Variants in AGBL4 observed in about 807,000 individuals in gnomAD.
AGBL4 encodes AGBL carboxypeptidase 4, also known as cytosolic carboxypeptidase 6.
Under a neutral mutation model 66.4 loss-of-function variants are expected in AGBL4, and 58 were observed. The observed-to-expected ratio is 0.87, with a 90% CI of 0.71 to 1.09. The LOEUF (loss-of-function observed/expected upper bound fraction) is 1.09, where lower values mean the gene tolerates loss of function less well. AGBL4 is among the 50% of genes least tolerant of loss of function. The pLI, the probability that AGBL4 is intolerant of heterozygous loss-of-function variation, is 0.00. For synonymous variants in AGBL4, 234 were observed against 222.9 expected (o/e 1.05, Z -0.44); for missense variants, 579 against 631.0 (o/e 0.92, Z 0.88).
At chr1:50,014,727 G>A (rs958212987) in intron 1 of AGBL4, among the ~76,000 whole-genome samples, 4 of 151,826 alleles carry the variant, frequency 2.6e-5, no homozygotes, top group Admixed American at 1.3e-4. Context: ...GATTCACCAC[G>A]TTGGCCAGGC....
intron 3 of AGBL4, among the ~76,000 whole-genome samples, chr1:49,309,342 G>T (rs941814276): frequency 1.3e-5 from 2 of 152,074 alleles, no homozygotes; most frequent in Non-Finnish European, 2.9e-5. Context: ...CTATAAAAAT[G>T]CATACTTGCA....
intron 2 of AGBL4, among the ~76,000 whole-genome samples, chr1:49,734,493 G>A (rs963358427): frequency 6.6e-6 from 1 of 152,008 alleles, no homozygotes; most frequent in African/African-American, 2.4e-5. Context: ...TTGTAGTCCT[G>A]TATATTAGCA....
chr1:49,190,030 G>A (rs1647086479), intron 4 of AGBL4, among the ~76,000 whole-genome samples: 1 of 152,126 alleles, frequency 6.6e-6, no homozygotes, highest in African/African-American at 2.4e-5. Flanking sequence ...TATTGCATGT[G>A]TAAACACAAT....
chr1:49,700,843 T>C (rs1647076654), intron 2 of AGBL4, among the ~76,000 whole-genome samples: 1 of 152,052 alleles, frequency 6.6e-6, no homozygotes, highest in Non-Finnish European at 1.5e-5. Context: ...TGGATAAAGA[T>C]CAATGATCCA....
intron 3 of AGBL4, among the ~76,000 whole-genome samples, chr1:49,628,569 T>C (rs1463088591): frequency 6.6e-6 from 1 of 152,140 alleles, no homozygotes; most frequent in Non-Finnish European, 1.5e-5. Flanking sequence ...TCAAAAGGTT[T>C]ATCTCCTACC....
chr1:48,748,421 T>C (rs1256139426), intron 6 of AGBL4, among the ~76,000 whole-genome samples: 4 of 152,216 alleles, frequency 2.6e-5, no homozygotes, highest in African/African-American at 2.4e-5. Flanking sequence ...AGTGCTTCAC[T>C]GTCCAGCAGT....
intron 1 of AGBL4, among the ~76,000 whole-genome samples, chr1:49,938,801 C>T (rs1442565940): frequency 1.3e-5 from 2 of 152,126 alleles, no homozygotes; most frequent in South Asian, 2.1e-4. Context: ...AACAACGCTT[C>T]GTGCTAAAAA....
At chr1:49,777,092 A>C (rs1383991570) in intron 2 of AGBL4, among the ~76,000 whole-genome samples, 1 of 152,146 alleles carries the variant, frequency 6.6e-6, no homozygotes, top group Non-Finnish European at 1.5e-5. Context: ...ATGAGATTTA[A>C]AATGCTGGAG....
chr1:49,555,520 G>A (rs921190974), intron 3 of AGBL4, among the ~76,000 whole-genome samples: 3 of 144,306 alleles, frequency 2.1e-5, no homozygotes, highest in African/African-American at 5.0e-5. Context: ...CTAAAGGCTT[G>A]TAAATGCACC....
chr1:49,560,556 CAA>C (rs745593019), intron 3 of AGBL4, among the ~76,000 whole-genome samples: 1 of 152,054 alleles, frequency 6.6e-6, no homozygotes, highest in Non-Finnish European at 1.5e-5. Context: ...AAAGTTTATT[CAA>C]AGAGATAATA....
chr1:48,586,912 C>A, intron 11 of AGBL4, 92 bp downstream of exon 11: 1 of 1,524,278 alleles, frequency 6.6e-7, no homozygotes, highest in Non-Finnish European at 9.0e-7. Flanking sequence ...TCAGCCCTTA[C>A]CTGAGCTGGG....
intron 9 of AGBL4, among the ~76,000 whole-genome samples, chr1:48,622,936 C>A (rs1645440469): frequency 1.3e-5 from 2 of 152,170 alleles, no homozygotes; most frequent in Admixed American, 6.5e-5. Context: ...GGTTAAGGAA[C>A]CTGCCCAAAG....
intron 2 of AGBL4, among the ~76,000 whole-genome samples, chr1:49,826,012 C>T (rs907103470): frequency 2.6e-5 from 4 of 152,004 alleles, no homozygotes; most frequent in Non-Finnish European, 5.9e-5. Flanking sequence ...ATTCCACTAG[C>T]TACACGATTT....
chr1:48,544,421 C>T (rs924127425), intron 11 of AGBL4, among the ~76,000 whole-genome samples: 1 of 152,212 alleles, frequency 6.6e-6, no homozygotes, highest in Non-Finnish European at 1.5e-5. Flanking sequence ...CCTGGCTCTG[C>T]CACATGCTGT....
At chr1:49,943,611 C>A (rs1654959933) in intron 1 of AGBL4, among the ~76,000 whole-genome samples, 1 of 151,616 alleles carries the variant, frequency 6.6e-6, no homozygotes, top group Admixed American at 6.6e-5. Flanking sequence ...GTAGATGAAA[C>A]AGTGGGAAAA....
chr1:49,307,960 T>A (rs539835306), intron 3 of AGBL4, among the ~76,000 whole-genome samples: 1 of 152,146 alleles, frequency 6.6e-6, no homozygotes, highest in East Asian at 1.9e-4. Context: ...TGGGGCCCGG[T>A]GGGAGGTGAT....
intron 3 of AGBL4, among the ~76,000 whole-genome samples, chr1:49,689,389 A>C (rs1381684731): frequency 6.6e-6 from 1 of 152,074 alleles, no homozygotes; most frequent in Non-Finnish European, 1.5e-5. Flanking sequence ...TGTAGATAAT[A>C]TGGATTCTTT....
At chr1:48,589,623 T>C (rs1644881388) in intron 10 of AGBL4, among the ~76,000 whole-genome samples, 1 of 152,208 alleles carries the variant, frequency 6.6e-6, no homozygotes, top group Non-Finnish European at 1.5e-5. Context: ...CCTCTCTAGT[T>C]CTCAGCATGT....
At chr1:49,300,299 G>A (rs1644721522) in intron 3 of AGBL4, among the ~76,000 whole-genome samples, 1 of 152,124 alleles carries the variant, frequency 6.6e-6, no homozygotes, top group Non-Finnish European at 1.5e-5. Flanking sequence ...ATTACTCTGT[G>A]ACCTGTGTTA....
Sources: allele counts gnomAD v4.1 joint callset (sites outside exome capture counted in the v4.1 genomes callset), GRCh38; gene constraint gnomAD v4.1.1; transcripts MANE v1.5; gene names NCBI Gene and HGNC (gene_info 2026-07-23, HGNC 2026-07-21).